Variants in MCF2 observed in about 807,000 individuals in gnomAD.
MCF2 encodes the protein proto-oncogene DBL.
A neutral mutation model predicts 82.5 loss-of-function variants in MCF2; 44 were observed. That is an observed-to-expected ratio of 0.53 (90% CI 0.42 to 0.69). The LOEUF is 0.69. MCF2 is among the 30% of genes least tolerant of loss of function. The pLI is 0.00. For synonymous variants in MCF2, 217 were observed against 224.9 expected, an observed-to-expected ratio of 0.96 and a Z score of 0.32; for missense variants, 623 against 663.1, an observed-to-expected ratio of 0.94 and a Z score of 0.66.
intron 1 of MCF2, among the ~76,000 whole-genome samples, chrX:139,700,899 T>C (rs771425880): frequency 9.0e-6 from 1 of 111,565 alleles, no homozygotes; most frequent in African/African-American, 3.3e-5. Flanking sequence ...AAGGGAAGCC[T>C]TGCGATTTGG....
chrX:139,687,437 CA>C (rs1400746390), intron 1 of MCF2, among the ~76,000 whole-genome samples: 4 of 113,251 alleles, frequency 3.5e-5, no homozygotes, highest in Admixed American at 2.8e-4. Context: ...CCTTGTCAGC[CA>C]TCAGATAGAA....
chrX:139,680,200 T>C (rs968281336), intron 1 of MCF2, among the ~76,000 whole-genome samples: 4 of 111,846 alleles, frequency 3.6e-5, no homozygotes, highest in African/African-American at 1.3e-4. Context: ...CATAGCTTCA[T>C]GCAGCCTCAA....
chrX:139,664,901 C>G (rs185695632), intron 1 of MCF2, among the ~76,000 whole-genome samples: 16 of 111,337 alleles, frequency 1.4e-4, no homozygotes, highest in African/African-American at 4.9e-4. Flanking sequence ...TGGATCCTAC[C>G]TGGATAGGCT....
At chrX:139,589,993 C>G in intron 19 of MCF2, 66 bp from the exon 24 acceptor site, 1 of 657,246 alleles carries the variant, frequency 1.5e-6, no homozygotes, top group African/African-American at 2.2e-5. Flanking sequence ...ATTAAATCTA[C>G]CCTATCATAT....
intron 1 of MCF2, among the ~76,000 whole-genome samples, chrX:139,634,385 T>C (rs1478990876): frequency 9.0e-6 from 1 of 111,669 alleles, no homozygotes; most frequent in East Asian, 2.8e-4. Flanking sequence ...AAATAAAGTC[T>C]ATTTTAAAAT....
intron 1 of MCF2, among the ~76,000 whole-genome samples, chrX:139,652,481 T>C (rs1934059558): frequency 9.0e-6 from 1 of 111,453 alleles, no homozygotes; most frequent in Non-Finnish European, 1.9e-5. Flanking sequence ...AAGTAGCATA[T>C]TAACTCATTT....
At chrX:139,686,824 C>G (rs1468013745) in intron 1 of MCF2, among the ~76,000 whole-genome samples, 1 of 111,563 alleles carries the variant, frequency 9.0e-6, no homozygotes, top group African/African-American at 3.3e-5. Context: ...TGCTAATAGC[C>G]TCTTAACTGG....
chrX:139,588,547 T>C, intron 20 of MCF2, 109 bp from the exon 25 acceptor site: 1 of 440,878 alleles, frequency 2.3e-6, no homozygotes, highest in East Asian at 3.7e-5. Context: ...ATCTACTCCC[T>C]ATAACACCAT....
intron 1 of MCF2, among the ~76,000 whole-genome samples, chrX:139,655,916 A>G (rs966145084): frequency 1.8e-5 from 2 of 112,177 alleles, no homozygotes; most frequent in African/African-American, 6.5e-5. Context: ...AAAAGTGGCA[A>G]AAGTGGGCAT....
At chrX:139,614,953 G>T in exon 10 of MCF2, 1 of 1,208,888 alleles carries the variant, frequency 8.3e-7, no homozygotes, top group Non-Finnish European at 1.1e-6. Flanking sequence ...AATTGGATTG[G>T]CCTCACATGC....
At chrX:139,686,255 A>G (rs1402325321) in intron 1 of MCF2, among the ~76,000 whole-genome samples, 1 of 111,528 alleles carries the variant, frequency 9.0e-6, no homozygotes, top group Admixed American at 9.6e-5. Context: ...TAGTATTGGA[A>G]GTCCTGGCCA....
At chrX:139,589,051 AT>A (rs1929256651) in intron 20 of MCF2, among the ~76,000 whole-genome samples, 1 of 111,566 alleles carries the variant, frequency 9.0e-6, no homozygotes, top group South Asian at 3.7e-4. Flanking sequence ...AAAATATAAC[AT>A]TTTGATGTTT....
At chrX:139,648,224 T>G (rs1490451739) in intron 2 of MCF2, among the ~76,000 whole-genome samples, 1 of 109,124 alleles carries the variant, frequency 9.2e-6, no homozygotes, top group Non-Finnish European at 1.9e-5. Flanking sequence ...ATACAAAAAT[T>G]AGCCGGGTGT....
Position 139,585,193 on chromosome X carries a change from T to G in MCF2, c.2633-15A>C. 6 of 1,039,651 alleles carry G rather than the reference T, an allele frequency of 5.8e-6. No homozygotes were observed. In the Middle Eastern group the frequency reaches 1.5e-3, roughly 266 times the overall value. 85.7% of individuals were successfully genotyped at this position (1,039,651 alleles called of 1,213,427 possible). The stretch of plus-strand genomic sequence containing the variant: ...CTCAGTCCAAACTATAAGAAAAGTG[T>G]GGAATGTGGCAGTTACTTCATGGTG... On this transcript the variant is annotated splice_polypyrimidine_tract_variant and intron_variant, in intron 23 of 24. Coordinates refer to ENST00000370576, the Ensembl canonical transcript of MCF2.
intron 21 of MCF2, 49 bp from the exon 26 acceptor site, chrX:139,587,837 C>T (rs772978661): frequency 2.5e-6 from 2 of 789,017 alleles, no homozygotes; most frequent in East Asian, 6.4e-5. Flanking sequence ...ACACTTCTTA[C>T]TTCCTTGAAG....
At position 139,602,612 on chromosome X, in the gene MCF2, C is replaced by T. The variant is rs1930653291; in HGVS notation, c.1744-114G>A. The T allele has an allele frequency of 6.0e-6, 3 of 496,664 alleles. No individual in the cohort carries two copies. The Admixed American group carries it at 9.9e-5, about 16-fold the overall frequency. The allele number at this position is 496,664 out of a possible 1,213,427, so 40.9% of individuals were successfully genotyped here. The stretch of plus-strand genomic sequence containing the variant: ...ATCCTAGGAAATGTGGCCTAAAGGG[C>T]CTACTGTACTAGCAGCTGGTCAAAA... On this transcript the variant is annotated intron_variant, in intron 15 of 24. Coordinates refer to ENST00000370576, the Ensembl canonical transcript of MCF2.
intron 1 of MCF2, among the ~76,000 whole-genome samples, chrX:139,656,764 A>AT (rs1040664626): frequency 8.9e-6 from 1 of 112,017 alleles, no homozygotes; most frequent in Non-Finnish European, 1.9e-5. Flanking sequence ...TTCCACACGG[A>AT]TTTTTTCCTG....
chrX:139,679,184 C>T (rs961227041), intron 1 of MCF2, among the ~76,000 whole-genome samples: 1 of 112,300 alleles, frequency 8.9e-6, no homozygotes, highest in African/African-American at 3.2e-5. Context: ...TTACCACGTG[C>T]TTACAGAGCA....
chrX:139,697,517 A>G (rs1935406297), intron 1 of MCF2, among the ~76,000 whole-genome samples: 1 of 112,176 alleles, frequency 8.9e-6, no homozygotes, highest in African/African-American at 3.2e-5. Context: ...ATACATTATA[A>G]TCTAACTCCA....
Sources: allele counts gnomAD v4.1 joint callset (sites outside exome capture counted in the v4.1 genomes callset), GRCh38; gene constraint gnomAD v4.1.1; transcripts MANE v1.5; gene names NCBI Gene and HGNC (gene_info 2026-07-23, HGNC 2026-07-21).